IQCH: variants seen among roughly 807,000 people sequenced by gnomAD.
IQCH encodes IQ domain-containing protein H.
Under a neutral mutation model 117.0 loss-of-function variants are expected in IQCH, and 98 were observed. The observed-to-expected ratio is 0.84, with a 90% CI of 0.71 to 0.99. The LOEUF (loss-of-function observed/expected upper bound fraction) is 0.99, where lower values mean the gene tolerates loss of function less well. IQCH is among the 50% of genes least tolerant of loss of function. The pLI is 0.00. For missense variants in IQCH, 1,102 were observed against 1,243.8 expected, an observed-to-expected ratio of 0.89 and a Z score of 1.72; for synonymous variants, 412 against 448.2, an observed-to-expected ratio of 0.92 and a Z score of 1.02.
chr15:67,311,198 A>G (rs997942607), intron 4 of IQCH, among the ~76,000 whole-genome samples: 1 of 152,108 alleles, frequency 6.6e-6, no homozygotes, highest in Non-Finnish European at 1.5e-5. Context: ...CTACTTACCA[A>G]CTAATCCTTA....
chr15:67,302,959 C>T (rs1596139279), intron 4 of IQCH, among the ~76,000 whole-genome samples: 1 of 152,212 alleles, frequency 6.6e-6, no homozygotes, highest in Non-Finnish European at 1.5e-5. Context: ...CTATGCTTAT[C>T]TAGCATACAT....
intron 4 of IQCH, chr15:67,306,707 G>T: frequency 1.4e-6 from 1 of 738,966 alleles, no homozygotes; most frequent in South Asian, 1.5e-5. Flanking sequence ...TATATCCTGT[G>T]ACTCTGTTAT....
chr15:67,389,785 A>G (rs1317890720), intron 12 of IQCH, among the ~76,000 whole-genome samples: 3 of 151,228 alleles, frequency 2.0e-5, no homozygotes, highest in South Asian at 2.1e-4. Context: ...CTGTCTCTCT[A>G]TCGCCAACGT....
chr15:67,418,569 T>G, intron 15 of IQCH, among the ~76,000 whole-genome samples: 1 of 129,106 alleles, frequency 7.7e-6, no homozygotes, highest in African/African-American at 2.9e-5. Flanking sequence ...AATAATAGGG[T>G]GTTTTTACTT....
intron 4 of IQCH, among the ~76,000 whole-genome samples, chr15:67,317,255 C>T (rs1310514567): frequency 6.6e-6 from 1 of 151,958 alleles, no homozygotes; most frequent in African/African-American, 2.4e-5. Flanking sequence ...CTCTGTAGCC[C>T]AGGCTGGCGT....
intron 16 of IQCH, among the ~76,000 whole-genome samples, chr15:67,437,275 C>G (rs915311382): frequency 2.6e-5 from 4 of 152,204 alleles, no homozygotes; most frequent in Non-Finnish European, 5.9e-5. Context: ...GCCAGGTAGA[C>G]TTGATGGGTG....
At chr15:67,357,604 G>C (rs958407914) in intron 7 of IQCH, among the ~76,000 whole-genome samples, 183 bp downstream of exon 7, 34 of 152,192 alleles carry the variant, frequency 2.2e-4, no homozygotes, top group African/African-American at 8.0e-4. Flanking sequence ...CTAGCATAAT[G>C]TTATTGGTGG....
chr15:67,372,198 G>C lies in IQCH; in HGVS notation c.841G>C (p.Ala281Pro). ...LIYDGVIDNTAPDFLAFKEHF... is the reference protein window; with the variant it reads ...LIYDGVIDNTPPDFLAFKEHF... ...TTATGATGGTGTCATAGACAATACA[G>C]CCCCAGACTTCTTAGCATTCAAGGA... The change falls in exon 9 of 21, where the codon GCC becomes CCC. Residue 281 changes from alanine (A) to proline (P), a missense_variant. Ala to Pro is a conservative substitution (Grantham distance 27, BLOSUM62 -1). Transcript: ENST00000335894. 6.2e-7 allele frequency: 1 copy of C among 1,614,028 alleles called. No individual in the cohort carries two copies. Among genetic ancestry groups the C allele is most frequent in the Non-Finnish European group, 8.5e-7 (1 of 1,179,924 alleles).
At position 67,372,525 on chromosome 15, in the gene IQCH, C is replaced by G; in HGVS notation, c.1168C>G (p.Leu390Val). Residue 390 changes from leucine (L) to valine (V), a missense_variant, in exon 9 of 21, where the codon CTC (leucine) becomes GTC (valine). Physicochemically the swap from Leu to Val is conservative, Grantham distance 32. Around this residue, in one of 2 missense-constraint regions of IQCH, gnomAD observed 650 missense variants for 794.3 expected, o/e 0.82. Coordinates refer to ENST00000335894, the MANE Select transcript of IQCH (RefSeq NM_001031715.3). ...WKCYKARKFF[L>V]FYRQQKWASG... is the part of the protein sequence containing the mutation. ...ATGCTACAAAGCAAGAAAATTCTTC[C>G]TCTTTTATCGCCAGCAGAAGTGGGC... 6.2e-7 allele frequency: 1 copy of G among 1,613,992 alleles called. No individual in the cohort carries two copies. Among genetic ancestry groups the G allele is most frequent in the Non-Finnish European group, 8.5e-7 (1 of 1,179,990 alleles).
At chr15:67,291,697 T>G (rs988760868) in intron 4 of IQCH, among the ~76,000 whole-genome samples, 1 of 152,162 alleles carries the variant, frequency 6.6e-6, no homozygotes, top group African/African-American at 2.4e-5. Context: ...TTCAGAAATT[T>G]TCACTGTAAG....
intron 3 of IQCH, among the ~76,000 whole-genome samples, chr15:67,277,922 C>A (rs1167462978): frequency 6.6e-6 from 1 of 152,152 alleles, no homozygotes; most frequent in Non-Finnish European, 1.5e-5. Flanking sequence ...CTGAGCTTTG[C>A]AGTCTTTCAT....
At position 67,465,421 on chromosome 15, in the gene IQCH, T is replaced by C. The variant is rs1168839346; in HGVS notation, c.2676+124T>C. The C allele has an allele frequency of 6.8e-6, 7 of 1,025,720 alleles. No individual in the cohort carries two copies. The highest frequency in any genetic ancestry group is 8.5e-6 in the Non-Finnish European group (6 of 707,836). The allele number at this position is 1,025,720 out of a possible 1,614,324, so 63.5% of individuals were successfully genotyped here. ...GAAGAAAGAGCCTAAGGCAAGTCATTGGACTTGTCTGAGCAGGGTCTGGAA... is the reference window on the plus strand; with the variant it reads ...GAAGAAAGAGCCTAAGGCAAGTCATCGGACTTGTCTGAGCAGGGTCTGGAA... On this transcript the variant is annotated intron_variant, in intron 17 of 20. Transcript: ENST00000335894. The surrounding 1 kb of genome is among the most constrained non-coding windows in gnomAD (Gnocchi z 5.9).
At chr15:67,279,070 TACA>T (rs1966243656) in intron 3 of IQCH, among the ~76,000 whole-genome samples, 1 of 152,188 alleles carries the variant, frequency 6.6e-6, no homozygotes, top group Admixed American at 6.5e-5. Flanking sequence ...TTAAACAAAA[TACA>T]ACATTATGTA....
Position 67,384,903 on chromosome 15 carries a change from T to C in IQCH, c.1373-33T>C, listed in dbSNP as rs1297936488. The C allele has an allele frequency of 2.2e-6, 3 of 1,363,554 alleles. No homozygotes were observed. In the East Asian group the frequency reaches 6.9e-5, roughly 31 times the overall value. 84.5% of individuals were successfully genotyped at this position (1,363,554 alleles called of 1,614,324 possible). A position where few individuals can be genotyped will look rare whatever the true frequency, so the allele number is the denominator to read the frequency against. Reference sequence around the variant, plus strand: ...GCCATTTTGCTATATCGACTTGCTCTTTCTGTGTTTTGACACCTTGTTTGC... The same window carrying C: ...GCCATTTTGCTATATCGACTTGCTCCTTCTGTGTTTTGACACCTTGTTTGC... On this transcript the variant is annotated intron_variant, in intron 10 of 20. Transcript: ENST00000335894. This position sits in a 1 kb window ranked among gnomAD's most constrained non-coding sequence, Gnocchi z 4.3.
rs2083182465 is a variant in IQCH, at chr15:67,475,582, G to C, written c.2677-114G>C. The C allele has an allele frequency of 1.2e-6, 1 of 827,018 alleles. No individual in the cohort carries two copies. Among genetic ancestry groups the C allele is most frequent in the African/African-American group, 1.7e-5 (1 of 58,992 alleles). 51.2% of individuals were successfully genotyped at this position (827,018 alleles called of 1,614,324 possible). A position where few individuals can be genotyped will look rare whatever the true frequency, so the allele number is the denominator to read the frequency against. On this transcript the variant is annotated intron_variant, in intron 17 of 20. Coordinates refer to ENST00000335894, the MANE Select transcript of IQCH (RefSeq NM_001031715.3). This position sits in a 1 kb window ranked among gnomAD's most constrained non-coding sequence, Gnocchi z 5.7. ...GTTAACAATAGGAGAACTGGGTGTG[G>C]GGGATATAGGAACTCTCAGAATTAT...
intron 18 of IQCH, among the ~76,000 whole-genome samples, chr15:67,484,866 T>G (rs976413009): frequency 5.9e-5 from 9 of 152,068 alleles, no homozygotes; most frequent in African/African-American, 2.2e-4. Context: ...TATCTAGAGC[T>G]GCTACAATTT....
rs2082059274 is a variant in IQCH at position 67,433,407 on chromosome 15, GTTTGGT to G, written c.2505+11832_2505+11837del. ...TTACCATTTGTGACTGTCCTTAAAT[GTTTGGT>G]TAACCCCCCTTACACTGTAAACCTT... On this transcript the variant is annotated intron_variant, in intron 16 of 20. Transcript: ENST00000335894. This position sits in a 1 kb window ranked among gnomAD's most constrained non-coding sequence, Gnocchi z 5.4. Among the ~76,000 whole-genome samples, 1 of 152,184 alleles carries G rather than the reference GTTTGGT, an allele frequency of 6.6e-6. No individual in the cohort carries two copies. The highest frequency in any genetic ancestry group is 2.4e-5 in the African/African-American group (1 of 41,436).
At position 67,433,714 on chromosome 15, in the gene IQCH, G is replaced by A. The variant is rs973951368; in HGVS notation, c.2505+12137G>A. ...CACTGCACCCTGCTGTCTCCAGCAGGTACTACATTTCTGCAGGACTCAGGA... is the reference window on the plus strand; with the variant it reads ...CACTGCACCCTGCTGTCTCCAGCAGATACTACATTTCTGCAGGACTCAGGA... On this transcript the variant is annotated intron_variant, in intron 16 of 20. Coordinates refer to ENST00000335894, the MANE Select transcript of IQCH (RefSeq NM_001031715.3). This position sits in a 1 kb window ranked among gnomAD's most constrained non-coding sequence, Gnocchi z 5.4. Among the ~76,000 whole-genome samples, 1 of 152,150 alleles carries A rather than the reference G, an allele frequency of 6.6e-6. No individual in the cohort carries two copies. The highest frequency in any genetic ancestry group is 2.1e-4 in the South Asian group (1 of 4,834).
Position 67,481,980 on chromosome 15 carries a change from G to C in IQCH, c.2799+6162G>C, listed in dbSNP as rs77553770. Among the ~76,000 whole-genome samples, 966 of 152,324 alleles carry C rather than the reference G, an allele frequency of 6.3e-3. 9 individuals carry two copies. The highest frequency in any genetic ancestry group is 0.045 in the East Asian group (233 of 5,178). ...TGTGCCTGTAATCCTAGCTGCTCAC[G>C]AGGTTGAGGCAGGAGGACCGCTCAC... On this transcript the variant is annotated intron_variant, in intron 18 of 20. Coordinates refer to ENST00000335894, the MANE Select transcript of IQCH (RefSeq NM_001031715.3). This position sits in a 1 kb window ranked among gnomAD's most constrained non-coding sequence, Gnocchi z 4.1.
Sources: allele counts gnomAD v4.1 joint callset (sites outside exome capture counted in the v4.1 genomes callset), GRCh38; gene constraint gnomAD v4.1.1; regional missense constraint gnomAD v4.1.1; non-coding constraint Gnocchi (gnomAD v3.1); transcripts MANE v1.5; gene names NCBI Gene and HGNC (gene_info 2026-07-23, HGNC 2026-07-21).